The following SIK2 variants were observed in gnomAD, a reference collection of about 807,000 sequenced individuals.
The protein encoded by SIK2 is serine/threonine-protein kinase SIK2.
SIK2 carries 29 observed loss-of-function variants against 103.2 expected under a neutral mutation model. That is an observed-to-expected ratio of 0.28 (90% CI 0.21 to 0.38). SIK2 has a LOEUF of 0.38. Ranked by LOEUF, SIK2 falls within the 10% of genes least tolerant of loss-of-function variation. SIK2 has a pLI of 1.00. For missense variants in SIK2, 879 were observed against 1,171.0 expected, an observed-to-expected ratio of 0.75 and a Z score of 3.64; for synonymous variants, 412 against 446.1, an observed-to-expected ratio of 0.92 and a Z score of 0.96.
chr11:111,651,275 A>G (rs1384807712), intron 3 of SIK2, among the ~76,000 whole-genome samples: 4 of 152,184 alleles, frequency 2.6e-5, no homozygotes, highest in Non-Finnish European at 1.5e-5. Context: ...GTGCTTACAA[A>G]GACATGGAAT....
chr11:111,715,084 G>A (rs190294339), intron 9 of SIK2, among the ~76,000 whole-genome samples: 366 of 152,338 alleles, frequency 2.4e-3, no homozygotes, highest in African/African-American at 8.2e-3. Context: ...GGAAATGAAT[G>A]ATTTTGCAAA....
At chr11:111,635,885 G>A (rs1249692381) in intron 3 of SIK2, among the ~76,000 whole-genome samples, 1 of 152,202 alleles carries the variant, frequency 6.6e-6, no homozygotes, top group Non-Finnish European at 1.5e-5. Context: ...TACAGTGAAG[G>A]GAGAGAGAGA....
chr11:111,603,155 G>A (rs1941607009), intron 1 of SIK2, among the ~76,000 whole-genome samples: 1 of 152,148 alleles, frequency 6.6e-6, no homozygotes, highest in Admixed American at 6.5e-5. Context: ...CCTGCGCTTG[G>A]GCTCCGCGGA....
chr11:111,611,553 T>A (rs1003701484), intron 1 of SIK2, among the ~76,000 whole-genome samples: 11 of 152,246 alleles, frequency 7.2e-5, no homozygotes, highest in Admixed American at 5.2e-4. Flanking sequence ...AGTTGAATAT[T>A]CAATGTTGCT....
chr11:111,635,200 A>G (rs1447460587), intron 3 of SIK2, among the ~76,000 whole-genome samples: 2 of 152,014 alleles, frequency 1.3e-5, no homozygotes, highest in Non-Finnish European at 2.9e-5. Context: ...AGTCAGGAGT[A>G]AGCTGTGTGT....
chr11:111,621,652 A>C (rs1055863182), intron 3 of SIK2, among the ~76,000 whole-genome samples: 15 of 152,088 alleles, frequency 9.9e-5, no homozygotes, highest in African/African-American at 3.6e-4. Context: ...AGTGGCTCAC[A>C]CCTGTAATCC....
intron 4 of SIK2, among the ~76,000 whole-genome samples, chr11:111,690,682 A>C (rs6589245): frequency 0.59 from 87,994 of 150,000 alleles, 29,634 homozygotes; most frequent in East Asian, 0.94. Flanking sequence ...TCATTGTTCA[A>C]CTCCCACTTA....
At chr11:111,635,349 AAG>A (rs1215596879) in intron 3 of SIK2, among the ~76,000 whole-genome samples, 1 of 151,008 alleles carries the variant, frequency 6.6e-6, no homozygotes, top group Non-Finnish European at 1.5e-5. Context: ...GGAAAAAAGA[AAG>A]AAAGAGAAAG....
At chr11:111,714,949 A>G (rs1277320863) in intron 9 of SIK2, among the ~76,000 whole-genome samples, 1 of 152,216 alleles carries the variant, frequency 6.6e-6, no homozygotes, top group Non-Finnish European at 1.5e-5. Context: ...ATTAAAATGC[A>G]GTTGACTAAA....
chr11:111,677,275 A>C (rs189397968), intron 3 of SIK2, among the ~76,000 whole-genome samples: 16 of 152,360 alleles, frequency 1.1e-4, no homozygotes, highest in Non-Finnish European at 2.1e-4. Context: ...TATTGAAATC[A>C]GTAAGAAAAC....
chr11:111,713,066 G>A (rs1020898451), intron 9 of SIK2, among the ~76,000 whole-genome samples: 5 of 152,196 alleles, frequency 3.3e-5, no homozygotes, highest in Non-Finnish European at 7.3e-5. Context: ...TCAGGAGGCT[G>A]AGGCACGAGA....
chr11:111,715,670 G>T (rs1023715196), intron 9 of SIK2, among the ~76,000 whole-genome samples: 1 of 152,082 alleles, frequency 6.6e-6, no homozygotes, highest in Non-Finnish European at 1.5e-5. Context: ...ATCCACAGAT[G>T]ACATGGGGGC....
chr11:111,661,123 C>T (rs555438594), intron 3 of SIK2, among the ~76,000 whole-genome samples: 1 of 152,156 alleles, frequency 6.6e-6, no homozygotes, highest in Admixed American at 6.5e-5. Flanking sequence ...TATACTCTTT[C>T]TCTTTGCTTG....
chr11:111,698,738 A>G (rs1943139663), intron 4 of SIK2, among the ~76,000 whole-genome samples: 2 of 152,128 alleles, frequency 1.3e-5, no homozygotes, highest in Admixed American at 1.3e-4. Flanking sequence ...AAGAAAAACA[A>G]CCTTACCAGT....
intron 3 of SIK2, among the ~76,000 whole-genome samples, chr11:111,650,974 A>C (rs1380602725): frequency 6.6e-6 from 1 of 152,184 alleles, no homozygotes; most frequent in Non-Finnish European, 1.5e-5. Context: ...ATACATGAAA[A>C]TAAAAATGAT....
rs781538368 is a variant in SIK2, at chr11:111,701,523, G to C, written c.675G>C (p.Leu225Phe). 6.2e-7 allele frequency: 1 copy of C among 1,613,920 alleles called. No individual in the cohort carries two copies. The highest frequency in any genetic ancestry group is 8.5e-7 in the Non-Finnish European group (1 of 1,179,864). ...TTGATGGACCGACTCTTCCAATTTT[G>C]AGGCAGAGGGTTCTGGAAGGAAGAT... ...LPFDGPTLPILRQRVLEGRFR... is the reference protein window; with the variant it reads ...LPFDGPTLPIFRQRVLEGRFR... The change falls in exon 6 of 15, where the codon TTG becomes TTC. Residue 225 changes from leucine (L) to phenylalanine (F), a missense_variant. Transcript: ENST00000304987. The surrounding 1 kb of genome is among the most constrained non-coding windows in gnomAD (Gnocchi z 4.2).
At chr11:111,694,438 C>T (rs763517374) in intron 4 of SIK2, among the ~76,000 whole-genome samples, 44 of 152,074 alleles carry the variant, frequency 2.9e-4, no homozygotes, top group Non-Finnish European at 1.2e-4. Flanking sequence ...AAGAGGAATG[C>T]TTCCTTTCTG....
At chr11:111,622,305 G>T (rs923223252) in intron 3 of SIK2, among the ~76,000 whole-genome samples, 1 of 122,712 alleles carries the variant, frequency 8.1e-6, no homozygotes, top group African/African-American at 3.0e-5. Context: ...GCCCAGGCTG[G>T]AGTGCAGTGG....
intron 3 of SIK2, among the ~76,000 whole-genome samples, chr11:111,677,426 GT>G (rs370599990): frequency 6.6e-6 from 1 of 150,398 alleles, no homozygotes; most frequent in Admixed American, 6.6e-5. Flanking sequence ...TTTGTTTTTT[GT>G]TTTTTTTGGA....
Sources: allele counts gnomAD v4.1 joint callset (sites outside exome capture counted in the v4.1 genomes callset), GRCh38; gene constraint gnomAD v4.1.1; non-coding constraint Gnocchi (gnomAD v3.1); transcripts MANE v1.5; gene names NCBI Gene and HGNC (gene_info 2026-07-23, HGNC 2026-07-21).